IL15: variants seen among roughly 807,000 people sequenced by gnomAD.
IL15 encodes interleukin-15.
A neutral mutation model predicts 19.6 loss-of-function variants in IL15; 11 were observed. The ratio of observed to expected loss-of-function variants is 0.56; its 90% CI spans 0.35 to 0.93. IL15 has a LOEUF of 0.93. IL15 is among the 40% of genes least tolerant of loss of function. IL15 has a pLI of 0.01. For synonymous variants in IL15, 58 were observed against 59.6 expected, an observed-to-expected ratio of 0.97 and a Z score of 0.12; for missense variants, 197 against 186.5, an observed-to-expected ratio of 1.06 and a Z score of -0.33.
chr4:141,647,117 G>A (rs1488760116), intron 1 of IL15, among the ~76,000 whole-genome samples: 1 of 152,038 alleles, frequency 6.6e-6, no homozygotes, highest in African/African-American at 2.4e-5. Context: ...TGGCACTTCA[G>A]CAGTTAATAA....
At chr4:141,659,009 G>A (rs1727700463) in intron 2 of IL15, among the ~76,000 whole-genome samples, 1 of 151,802 alleles carries the variant, frequency 6.6e-6, no homozygotes, top group Non-Finnish European at 1.5e-5. Flanking sequence ...ACAGGCGCCT[G>A]CCACCGCGCC....
rs867316201 is a variant in IL15 at position 141,675,087 on chromosome 4, C to T, written c.-100+18780C>T. Among the ~76,000 whole-genome samples, 6 of 151,914 alleles carry T rather than the reference C, an allele frequency of 3.9e-5. No homozygotes were observed. In the South Asian group the frequency reaches 8.3e-4, roughly 21 times the overall value. On this transcript the variant is annotated intron_variant, in intron 2 of 7. Coordinates refer to ENST00000320650, the MANE Select transcript of IL15 (RefSeq NM_000585.5). ...AACAACATGGGTTTCAGCTGCAGGT[C>T]CACTTATACCCATTTTTTAAAAATA...
At chr4:141,699,524 T>C (rs1270834718) in intron 2 of IL15, among the ~76,000 whole-genome samples, 2 of 152,204 alleles carry the variant, frequency 1.3e-5, no homozygotes, top group Non-Finnish European at 2.9e-5. Context: ...GTTAGGTGCA[T>C]ATAAATTTAG....
At chr4:141,669,574 A>G (rs1012330015) in intron 2 of IL15, among the ~76,000 whole-genome samples, 3 of 151,750 alleles carry the variant, frequency 2.0e-5, no homozygotes, top group Admixed American at 1.3e-4. Context: ...ATTTAGCAGA[A>G]ATAGAGAGTT....
intron 2 of IL15, among the ~76,000 whole-genome samples, chr4:141,707,784 A>G (rs896899967): frequency 1.3e-5 from 2 of 152,310 alleles, no homozygotes; most frequent in Non-Finnish European, 2.9e-5. Flanking sequence ...GGGGGCACAG[A>G]GAGCTGACAA....
chr4:141,674,937 A>G (rs1009739705), intron 2 of IL15, among the ~76,000 whole-genome samples: 1 of 126,462 alleles, frequency 7.9e-6, no homozygotes, highest in Non-Finnish European at 1.8e-5. Flanking sequence ...TGGGTGTTCT[A>G]CTTGGGGTCT....
At chr4:141,708,220 A>C (rs186293798) in intron 2 of IL15, among the ~76,000 whole-genome samples, 1 of 152,184 alleles carries the variant, frequency 6.6e-6, no homozygotes, top group African/African-American at 2.4e-5. Flanking sequence ...GTTCCCTGAG[A>C]TAGTGGTGTG....
intron 2 of IL15, among the ~76,000 whole-genome samples, chr4:141,685,906 T>C (rs1184442255): frequency 6.6e-6 from 1 of 152,124 alleles, no homozygotes; most frequent in African/African-American, 2.4e-5. Context: ...TTACAGCCAT[T>C]GGGGTCGCCT....
At chr4:141,727,906 G>T in intron 5 of IL15, 34 bp from the exon 6 acceptor site, 1 of 900,034 alleles carries the variant, frequency 1.1e-6, no homozygotes, top group Non-Finnish European at 1.8e-6. Flanking sequence ...GCAGGGCATA[G>T]TTTTTAATAT....
chr4:141,654,515 A>C lies in IL15; in HGVS notation c.-221-1671A>C, dbSNP rs147155218. Among the ~76,000 whole-genome samples the C allele has an allele frequency of 9.7e-4, 148 of 152,290 alleles. 1 individual carries two copies. The highest frequency in any genetic ancestry group is 3.2e-3 in the African/African-American group (133 of 41,560). On this transcript the variant is annotated intron_variant, in intron 1 of 7. Transcript: ENST00000320650. ...AGGGACTCAGTTTCTTGCTGTATGA[A>C]ATATGGATGCTGAGCTGAAAGTTCT...
chr4:141,696,243 G>T (rs1415651423), intron 2 of IL15, among the ~76,000 whole-genome samples: 1 of 151,976 alleles, frequency 6.6e-6, no homozygotes, highest in African/African-American at 2.4e-5. Context: ...TCCGCTGTAG[G>T]CATGTGAACT....
intron 2 of IL15, among the ~76,000 whole-genome samples, chr4:141,714,052 A>C (rs1414056111): frequency 6.6e-6 from 1 of 151,782 alleles, no homozygotes; most frequent in African/African-American, 2.4e-5. Context: ...CAGTTACCTA[A>C]ATGGCTATTT....
intron 2 of IL15, chr4:141,718,391 G>A (rs987598037): frequency 1.2e-4 from 18 of 152,122 alleles, no homozygotes; most frequent in Admixed American, 1.1e-3. Context: ...AAAATTTGAA[G>A]CACTGAGATA....
At chr4:141,718,453 T>A (rs1375728636) in intron 2 of IL15, 1 of 151,368 alleles carries the variant, frequency 6.6e-6, no homozygotes, top group East Asian at 1.9e-4. Context: ...AAGGTTTGCT[T>A]TAAATAAACC....
chr4:141,657,040 G>T (rs1215351012), intron 2 of IL15, among the ~76,000 whole-genome samples: 2 of 152,144 alleles, frequency 1.3e-5, no homozygotes, highest in Non-Finnish European at 2.9e-5. Flanking sequence ...AGGCTGCACT[G>T]ACACAAACTG....
intron 2 of IL15, chr4:141,716,080 CTGCGTTAACT>C (rs1729874140): frequency 6.6e-6 from 1 of 152,150 alleles, no homozygotes; most frequent in Non-Finnish European, 1.5e-5. Context: ...AGATGCCTGC[CTGCGTTAACT>C]TGCTCACCTC....
chr4:141,733,068 A>AT lies in IL15; in HGVS notation c.*227dup, dbSNP rs1196586416. Reference sequence around the variant, plus strand: ...AACTTCTCTCAGACTTACTTTACTCATTTTTTTAATTTATTATTGAAATTG... The same window carrying AT: ...AACTTCTCTCAGACTTACTTTACTCATTTTTTTTAATTTATTATTGAAATTG... On this transcript the variant is annotated 3_prime_UTR_variant, in exon 8 of 8. Coordinates refer to ENST00000320650, the MANE Select transcript of IL15 (RefSeq NM_000585.5). 1.5e-4 allele frequency: 65 copies of AT among 440,938 alleles called. No homozygotes were observed. Among genetic ancestry groups the AT allele is most frequent in the Admixed American group, 9.5e-5 (2 of 20,958 alleles). 27.3% of individuals were successfully genotyped at this position (440,938 alleles called of 1,614,324 possible). A position where few individuals can be genotyped will look rare whatever the true frequency, so the allele number is the denominator to read the frequency against.
At chr4:141,682,434 T>C (rs1728562923) in intron 2 of IL15, among the ~76,000 whole-genome samples, 1 of 152,216 alleles carries the variant, frequency 6.6e-6, no homozygotes, top group African/African-American at 2.4e-5. Context: ...TGACCAAAAT[T>C]ATTTAAAGAA....
intron 2 of IL15, among the ~76,000 whole-genome samples, chr4:141,701,384 T>C (rs923779966): frequency 4.6e-5 from 7 of 152,168 alleles, no homozygotes; most frequent in African/African-American, 1.4e-4. Flanking sequence ...GTGAAGACTT[T>C]GTATGAGTTC....
Sources: gnomAD v4.1 joint callset for allele counts (sites outside exome capture counted in the v4.1 genomes callset) on GRCh38, gnomAD v4.1.1 for gene constraint, MANE v1.5 for transcripts, NCBI Gene and HGNC (gene_info 2026-07-23, HGNC 2026-07-21) for gene names.